Variants in HHIPL1 observed in about 807,000 individuals in gnomAD.
The protein encoded by HHIPL1 is HHIP like 1.
In HHIPL1, 43 loss-of-function variants were observed where a neutral mutation model predicts 61.8. The observed-to-expected ratio is 0.70, with a 90% CI of 0.55 to 0.90. The LOEUF is 0.90. Ranked by LOEUF, HHIPL1 falls within the 40% of genes least tolerant of loss-of-function variation. The pLI is 0.00. For missense variants in HHIPL1, 1,056 were observed against 1,157.7 expected (o/e 0.91, Z 1.28); for synonymous variants, 482 against 515.8 (o/e 0.93, Z 0.89).
the HHIPL1 span, among the ~76,000 whole-genome samples, chr14:99,637,296 T>C: frequency 6.6e-6 from 1 of 151,758 alleles, no homozygotes; most frequent in Non-Finnish European, 1.5e-5. Flanking sequence ...GTGCAGTGGC[T>C]CATGCCTGTA....
chr14:99,670,205 G>A (rs1038717654), intron 7 of HHIPL1, among the ~76,000 whole-genome samples: 3 of 151,378 alleles, frequency 2.0e-5, no homozygotes, highest in Non-Finnish European at 2.9e-5. Flanking sequence ...TCTGCCTCCC[G>A]GGTTCAAGTG....
chr14:99,669,323 A>C (rs956633756), intron 7 of HHIPL1: 18 of 1,021,158 alleles, frequency 1.8e-5, no homozygotes, highest in Non-Finnish European at 2.1e-5. Context: ...TGGCTTCCAC[A>C]GCAGTCTGAA....
the HHIPL1 span, among the ~76,000 whole-genome samples, chr14:99,627,274 ATCTGT>A: frequency 6.6e-6 from 1 of 151,020 alleles, no homozygotes; most frequent in Admixed American, 6.6e-5. The surrounding 1 kb of genome is among the most constrained non-coding windows in gnomAD (Gnocchi z 4.4). Flanking sequence ...CTATCCACCT[ATCTGT>A]TCATCTATTC....
At chr14:99,669,397 C>T (rs1401341027) in intron 7 of HHIPL1, 4 of 929,906 alleles carry the variant, frequency 4.3e-6, no homozygotes, top group African/African-American at 1.8e-5. Context: ...CCTGAGGTTG[C>T]ACTCCGAGAA....
At position 99,675,156 on chromosome 14, in the gene HHIPL1, C is replaced by A; in HGVS notation, c.1879C>A (p.Arg627=). Reference sequence around the variant, plus strand: ...GCGGGCGCCCACGCGGGCGCCCCGCCGAGGGCGCCCCACGGCCGCTCCCCC... The same window carrying A: ...GCGGGCGCCCACGCGGGCGCCCCGCAGAGGGCGCCCCACGGCCGCTCCCCC... ...TARAPTRAPR[R]GRPTAAPPAP... Residue 627 remains arginine (R), a synonymous_variant, in exon 9 of 9, where the codon CGA becomes AGA. Coordinates refer to ENST00000330710, the MANE Select transcript of HHIPL1 (RefSeq NM_001127258.3). This position sits in a 1 kb window ranked among gnomAD's most constrained non-coding sequence, Gnocchi z 5.4. The A allele has an allele frequency of 9.0e-7, 1 of 1,108,924 alleles. No individual in the cohort carries two copies. Among genetic ancestry groups the A allele is most frequent in the East Asian group, 5.9e-5 (1 of 16,972 alleles). 68.7% of individuals were successfully genotyped at this position (1,108,924 alleles called of 1,614,324 possible).
the HHIPL1 span, among the ~76,000 whole-genome samples, chr14:99,607,277 C>A: frequency 6.6e-6 from 1 of 152,048 alleles, no homozygotes; most frequent in African/African-American, 2.4e-5. Flanking sequence ...TGTGCTCAAG[C>A]AATCCAATTC....
the HHIPL1 span, among the ~76,000 whole-genome samples, chr14:99,635,978 G>A: frequency 3.0e-4 from 46 of 152,300 alleles, no homozygotes; most frequent in East Asian, 8.3e-3. Flanking sequence ...TGGGAGTCAG[G>A]AGCCCTGGGT....
intron 2 of HHIPL1, among the ~76,000 whole-genome samples, chr14:99,653,235 G>A (rs543001664): frequency 2.6e-5 from 4 of 152,312 alleles, no homozygotes; most frequent in African/African-American, 7.2e-5. Flanking sequence ...TGGGTCACAC[G>A]GGGAGGGAGG....
chr14:99,632,626 T>C, the HHIPL1 span, among the ~76,000 whole-genome samples: 1 of 152,166 alleles, frequency 6.6e-6, no homozygotes, highest in African/African-American at 2.4e-5. Flanking sequence ...AGGACCACAG[T>C]GGCGTTTGGG....
At chr14:99,621,786 G>A in the HHIPL1 span, among the ~76,000 whole-genome samples, 1 of 123,854 alleles carries the variant, frequency 8.1e-6, no homozygotes, top group Non-Finnish European at 1.6e-5. Context: ...TGCGATCTTG[G>A]CTCACTGCAA....
chr14:99,622,491 C>G, the HHIPL1 span, among the ~76,000 whole-genome samples: 1 of 152,236 alleles, frequency 6.6e-6, no homozygotes, highest in Non-Finnish European at 1.5e-5. Context: ...ACACGGTGCT[C>G]TCTCTGGCAC....
At position 99,675,505 on chromosome 14, in the gene HHIPL1, T is replaced by C. The variant is rs1165969085; in HGVS notation, c.2228T>C (p.Val743Ala). The C allele has an allele frequency of 1.3e-6, 2 of 1,542,974 alleles. No homozygotes were observed. The highest frequency in any genetic ancestry group is 1.2e-5 in the South Asian group (1 of 84,012). ...GGSLPILLDDVRCAGWERNLL... is the reference protein window; with the variant it reads ...GGSLPILLDDARCAGWERNLL... ...TCGCTGCCCATTCTGCTGGACGATG[T>C]GCGCTGCGCGGGCTGGGAGCGGAAC... Residue 743 changes from valine (V) to alanine (A), a missense_variant, in exon 9 of 9, where the codon GTG becomes GCG. By Grantham distance (64) the Val-to-Ala change is moderately conservative. Transcript: ENST00000330710. The surrounding 1 kb of genome is among the most constrained non-coding windows in gnomAD (Gnocchi z 5.4).
At chr14:99,639,093 C>T in the HHIPL1 span, among the ~76,000 whole-genome samples, 1 of 152,228 alleles carries the variant, frequency 6.6e-6, no homozygotes, top group Non-Finnish European at 1.5e-5. Context: ...AGATGTCATA[C>T]CCTGGGAGCT....
Position 99,660,210 on chromosome 14 carries a change from C to T in HHIPL1, c.1376-70C>T. The T allele has an allele frequency of 1.3e-6, 2 of 1,595,652 alleles. No homozygotes were observed. Among genetic ancestry groups the T allele is most frequent in the Non-Finnish European group, 1.7e-6 (2 of 1,170,716 alleles). On this transcript the variant is annotated intron_variant, in intron 4 of 8. Transcript: ENST00000330710. The surrounding 1 kb of genome is among the most constrained non-coding windows in gnomAD (Gnocchi z 4.9). ...CCGCCCCACCCCCGCGGAATCCCTC[C>T]GGAATTCTCCTGGCTGATGAACCTT...
At chr14:99,646,855 A>G (rs1406311339) in intron 1 of HHIPL1, among the ~76,000 whole-genome samples, 2 of 145,884 alleles carry the variant, frequency 1.4e-5, no homozygotes, top group Non-Finnish European at 3.0e-5. Flanking sequence ...ATAATATAAT[A>G]TAATATGATA....
At chr14:99,608,204 G>A in the HHIPL1 span, among the ~76,000 whole-genome samples, 2 of 152,036 alleles carry the variant, frequency 1.3e-5, no homozygotes, top group South Asian at 4.1e-4. Flanking sequence ...TCGGGAAGAG[G>A]TTGAGCGATG....
At chr14:99,621,709 C>CTTTTTTTT in the HHIPL1 span, among the ~76,000 whole-genome samples, 304 of 84,512 alleles carry the variant, frequency 3.6e-3, 4 homozygotes, top group Non-Finnish European at 4.1e-3. Flanking sequence ...CTTTTCTTTT[C>CTTTTTTTT]TTTTTTTTTT....
At chr14:99,646,817 G>A (rs60526266) in intron 1 of HHIPL1, among the ~76,000 whole-genome samples, 153 of 64,484 alleles carry the variant, frequency 2.4e-3, no homozygotes, top group East Asian at 0.013. Flanking sequence ...GATATGATAT[G>A]ATATGATATG....
rs17098917 is a variant in HHIPL1 at position 99,669,311 on chromosome 14, G to T, written c.1730+1008G>T. ...TCAGCCCTTAGATTTTCGCTTCTCT[G>T]CTGGCTTCCACAGCAGTCTGAACGT... On this transcript the variant is annotated intron_variant, in intron 7 of 8. Transcript: ENST00000330710. 2.0e-3 allele frequency: 2,018 copies of T among 1,024,478 alleles called. 135 individuals carry two copies. The East Asian group carries it at 0.13, about 67-fold the overall frequency. 63.5% of individuals were successfully genotyped at this position (1,024,478 alleles called of 1,614,324 possible). A position where few individuals can be genotyped will look rare whatever the true frequency, so the allele number is the denominator to read the frequency against.
Sources: gnomAD v4.1 joint callset for allele counts (sites outside exome capture counted in the v4.1 genomes callset) on GRCh38, gnomAD v4.1.1 for gene constraint, Gnocchi (gnomAD v3.1) non-coding constraint, MANE v1.5 for transcripts, NCBI Gene and HGNC (gene_info 2026-07-23, HGNC 2026-07-21) for gene names.